The following PDE7A variants were observed in gnomAD, a reference collection of about 807,000 sequenced individuals.
The protein encoded by PDE7A is high affinity 3',5'-cyclic-AMP phosphodiesterase 7A.
PDE7A carries 39 observed loss-of-function variants against 64.3 expected under a neutral mutation model. That is an observed-to-expected ratio of 0.61 (90% confidence interval 0.47 to 0.79). The LOEUF is 0.79. Among genes scored for constraint, PDE7A ranks in the 30% least tolerant of loss-of-function variants. The probability of loss-of-function intolerance (pLI) is 0.00; values close to 1 mark genes in which losing one functional copy is unlikely to be tolerated. For missense variants in PDE7A, 470 were observed against 582.8 expected, an observed-to-expected ratio of 0.81 and a Z score of 1.99; for synonymous variants, 203 against 206.8, an observed-to-expected ratio of 0.98 and a Z score of 0.16.
At chr8:65,817,817 A>C (rs990247224) in intron 1 of PDE7A, among the ~76,000 whole-genome samples, 16 of 143,510 alleles carry the variant, frequency 1.1e-4, no homozygotes, top group South Asian at 4.3e-4. Flanking sequence ...CAGCGGCGCT[A>C]TCTCTGCTCA....
In PDE7A at chr8:65,841,607, C is replaced by G. The variant is rs1811092100; in HGVS notation, c.-99G>C. 2.4e-6 allele frequency: 1 copy of G among 419,218 alleles called. No individual in the cohort carries two copies. The highest frequency in any genetic ancestry group is 3.4e-6 in the Non-Finnish European group (1 of 296,702). 26.0% of individuals were successfully genotyped at this position (419,218 alleles called of 1,614,324 possible). On this transcript the variant is annotated 5_prime_UTR_variant, in exon 1 of 13. Transcript: ENST00000401827. ...GCGGCTCGGGGGCTCCGGGCCGAGA[C>G]GGGGGCAGGGCGGGCGGGGACCGAC... is the stretch of plus-strand genomic sequence containing the variant.
In PDE7A at chr8:65,842,017, C is replaced by G. The variant is rs1297567493; in HGVS notation, c.-509G>C. 3 of 233,098 alleles carry G rather than the reference C, an allele frequency of 1.3e-5. No homozygotes were observed. Among genetic ancestry groups the G allele is most frequent in the South Asian group, 9.8e-5 (2 of 20,362 alleles). 14.4% of individuals were successfully genotyped at this position (233,098 alleles called of 1,614,324 possible). On this transcript the variant is annotated 5_prime_UTR_variant, in exon 1 of 13. Transcript: ENST00000401827. ...CCGGAGTCCTGCTCCTCCCCTCCCC[C>G]GGAGCCTGACTTCACTCCGCCGCCG...
At chr8:65,771,433 T>C (rs1809078100) in intron 3 of PDE7A, among the ~76,000 whole-genome samples, 1 of 152,186 alleles carries the variant, frequency 6.6e-6, no homozygotes, top group Non-Finnish European at 1.5e-5. Context: ...TAAAAAATTA[T>C]GAATAGTTTT....
chr8:65,733,659 T>C (rs1188413239), intron 7 of PDE7A, among the ~76,000 whole-genome samples: 1 of 152,174 alleles, frequency 6.6e-6, no homozygotes, highest in South Asian at 2.1e-4. Flanking sequence ...GAGTATACAT[T>C]TGTCAAAACC....
At chr8:65,805,109 G>A (rs140078946) in intron 1 of PDE7A, among the ~76,000 whole-genome samples, 2 of 152,300 alleles carry the variant, frequency 1.3e-5, no homozygotes, top group East Asian at 1.9e-4. Flanking sequence ...CTCCCAAAGT[G>A]TTGGGATTAC....
chr8:65,753,846 T>G (rs1203207049), intron 3 of PDE7A, among the ~76,000 whole-genome samples: 1 of 152,198 alleles, frequency 6.6e-6, no homozygotes, highest in African/African-American at 2.4e-5. Flanking sequence ...CCTGCTGGAT[T>G]GAAACTTTTA....
chr8:65,825,143 T>C (rs1243067608), intron 1 of PDE7A, among the ~76,000 whole-genome samples: 5 of 152,200 alleles, frequency 3.3e-5, no homozygotes, highest in Non-Finnish European at 5.9e-5. Context: ...GATTAAAATA[T>C]TCTAAAATGT....
intron 1 of PDE7A, among the ~76,000 whole-genome samples, chr8:65,812,795 C>T (rs1810287430): frequency 6.6e-6 from 1 of 152,082 alleles, no homozygotes; most frequent in South Asian, 2.1e-4. Flanking sequence ...GCAAAACAAA[C>T]CTAATGAGAT....
At chr8:65,779,415 G>T (rs1809345960) in intron 3 of PDE7A, among the ~76,000 whole-genome samples, 1 of 152,068 alleles carries the variant, frequency 6.6e-6, no homozygotes, top group South Asian at 2.1e-4. Context: ...AGTTGAAGTA[G>T]TGAAGACTAA....
rs536819533 is a variant in PDE7A, at chr8:65,770,649, A to G, written c.283+9071T>C. Among the ~76,000 whole-genome samples, 3 of 152,350 alleles carry G rather than the reference A, an allele frequency of 2.0e-5. No individual in the cohort carries two copies. The East Asian group carries it at 5.8e-4, about 29-fold the overall frequency. On this transcript the variant is annotated intron_variant, in intron 3 of 12. Transcript: ENST00000401827. ...TTAATACATGTTCCTATTATAAACA[A>G]GGTGAAAGTGAATGTCTTTGCACAT... is the stretch of plus-strand genomic sequence containing the variant.
At chr8:65,829,173 A>G (rs773188763) in intron 1 of PDE7A, among the ~76,000 whole-genome samples, 1 of 152,108 alleles carries the variant, frequency 6.6e-6, no homozygotes. Flanking sequence ...AGCTCGCTGT[A>G]TGTTATGATA....
At chr8:65,783,632 G>C (rs1325924294) in intron 1 of PDE7A, among the ~76,000 whole-genome samples, 2 of 152,162 alleles carry the variant, frequency 1.3e-5, no homozygotes, top group African/African-American at 4.8e-5. Flanking sequence ...AGCTACAGCT[G>C]AAGTTGTCTT....
chr8:65,743,701 T>C (rs1489796776), intron 5 of PDE7A, among the ~76,000 whole-genome samples: 2 of 152,200 alleles, frequency 1.3e-5, no homozygotes, highest in Non-Finnish European at 2.9e-5. Context: ...TTGGCATCCT[T>C]ATCAAAGGAG....
intron 3 of PDE7A, among the ~76,000 whole-genome samples, chr8:65,772,808 A>C (rs1296865410): frequency 1.3e-5 from 2 of 152,186 alleles, no homozygotes; most frequent in East Asian, 3.9e-4. Flanking sequence ...GTTCAAGACC[A>C]GTCTGACCAA....
chr8:65,789,182 G>T, intron 1 of PDE7A: 2 of 582,546 alleles, frequency 3.4e-6, no homozygotes, highest in Non-Finnish European at 5.2e-6. Context: ...GGGTAGAACT[G>T]CCTAAGTAAT....
intron 3 of PDE7A, among the ~76,000 whole-genome samples, chr8:65,766,245 C>T (rs566468951): frequency 3.9e-5 from 6 of 152,210 alleles, no homozygotes; most frequent in East Asian, 1.9e-4. Flanking sequence ...CATGCCCAGC[C>T]GAGATGAATT....
At chr8:65,832,351 T>G (rs1810848319) in intron 1 of PDE7A, among the ~76,000 whole-genome samples, 1 of 152,034 alleles carries the variant, frequency 6.6e-6, no homozygotes, top group Non-Finnish European at 1.5e-5. Flanking sequence ...TTTTCAATTT[T>G]TCACAGTGAT....
At chr8:65,782,697 C>CT in intron 2 of PDE7A, 86 bp downstream of exon 2, 1 of 702,608 alleles carries the variant, frequency 1.4e-6, no homozygotes, top group Non-Finnish European at 2.5e-6. Flanking sequence ...TGATGAAAAG[C>CT]TATCTAATGA....
chr8:65,719,752 C>A, intron 12 of PDE7A: 1 of 461,218 alleles, frequency 2.2e-6, no homozygotes, highest in Non-Finnish European at 3.9e-6. Context: ...TCTGGTTATC[C>A]TTCTCAGTGG....
Sources: gnomAD v4.1 joint callset for allele counts (sites outside exome capture counted in the v4.1 genomes callset) on GRCh38, gnomAD v4.1.1 for gene constraint, MANE v1.5 for transcripts, NCBI Gene and HGNC (gene_info 2026-07-23, HGNC 2026-07-21) for gene names.